The following ITSN1 variants were observed in gnomAD, a reference collection of about 807,000 sequenced individuals.
ITSN1 encodes intersectin 1.
ITSN1 carries 58 observed loss-of-function variants against 239.8 expected under a neutral mutation model. The ratio of observed to expected loss-of-function variants is 0.24; its 90% CI spans 0.20 to 0.30. The LOEUF is 0.30. ITSN1 is among the 10% of genes least tolerant of loss of function. ITSN1 has a pLI of 1.00. For missense variants in ITSN1, 1,558 were observed against 2,103.3 expected, an observed-to-expected ratio of 0.74 and a Z score of 5.07; for synonymous variants, 780 against 770.8, an observed-to-expected ratio of 1.01 and a Z score of -0.20.
chr21:33,867,327 A>G lies in ITSN1; in HGVS notation c.4169A>G (p.Lys1390Arg). Residue 1390 changes from lysine to arginine, a missense_variant, in exon 33 of 40, where the codon AAA (lysine) becomes AGA (arginine). Around this residue, in one of 2 missense-constraint regions of ITSN1, gnomAD observed 576 missense variants for 893.3 expected, o/e 0.64. Coordinates refer to ENST00000381318, the MANE Select transcript of ITSN1 (RefSeq NM_003024.3). ...QRVTRYPLII[K>R]NILENTPENH... Reference sequence around the variant, plus strand: ...GTAACAAGATACCCACTGATCATTAAAAATGTAAGTACCTGTCTTGCCTTT... The same window carrying G: ...GTAACAAGATACCCACTGATCATTAGAAATGTAAGTACCTGTCTTGCCTTT... The G allele has an allele frequency of 3.8e-6, 6 of 1,577,742 alleles. No individual in the cohort carries two copies. Among genetic ancestry groups the G allele is most frequent in the Non-Finnish European group, 5.2e-6 (6 of 1,146,870 alleles).
intron 29 of ITSN1, among the ~76,000 whole-genome samples, chr21:33,850,690 C>T (rs1212393023): frequency 6.6e-6 from 1 of 152,206 alleles, no homozygotes; most frequent in East Asian, 1.9e-4. Flanking sequence ...GGGTTTCAGA[C>T]ATCAGCTGCA....
intron 12 of ITSN1, 89 bp downstream of exon 12, chr21:33,772,412 T>C: frequency 6.9e-7 from 1 of 1,450,052 alleles, no homozygotes; most frequent in South Asian, 1.3e-5. Flanking sequence ...GCCATCTTTG[T>C]CTTTTTACAA....
At chr21:33,774,670 A>G (rs1017687484) in intron 12 of ITSN1, 59 bp from the exon 13 acceptor site, 37 of 1,502,868 alleles carry the variant, frequency 2.5e-5, no homozygotes, top group Middle Eastern at 1.8e-4. Context: ...TTTTTGTGAA[A>G]AGACATTGTG....
intron 5 of ITSN1, among the ~76,000 whole-genome samples, chr21:33,740,443 A>G (rs1174184092): frequency 6.6e-6 from 1 of 152,236 alleles, no homozygotes; most frequent in Non-Finnish European, 1.5e-5. Context: ...CCTGCTACCA[A>G]GAAAAAGTGT....
intron 39 of ITSN1, among the ~76,000 whole-genome samples, chr21:33,887,862 C>G (rs1986031679): frequency 6.6e-6 from 1 of 152,174 alleles, no homozygotes; most frequent in South Asian, 2.1e-4. Context: ...CCTGCCTCGG[C>G]CTCCCAAAGT....
At position 33,802,358 on chromosome 21, in the gene ITSN1, T is replaced by C. The variant is rs771213649; in HGVS notation, c.2305-72T>C. The C allele has an allele frequency of 3.8e-5, 55 of 1,455,490 alleles. No homozygotes were observed. In the East Asian group the frequency reaches 4.6e-4, roughly 12 times the overall value. The allele number at this position is 1,455,490 out of a possible 1,614,324, so 90.2% of individuals were successfully genotyped here. ...TGATGAGATGCGTAGAGTTTAGATATGCTGTAAGAATAAAGCATGTCATTA... is the reference window on the plus strand; with the variant it reads ...TGATGAGATGCGTAGAGTTTAGATACGCTGTAAGAATAAAGCATGTCATTA... On this transcript the variant is annotated intron_variant, in intron 19 of 39. Transcript: ENST00000381318.
chr21:33,752,811 G>C (rs1271078450), intron 7 of ITSN1, among the ~76,000 whole-genome samples: 2 of 148,788 alleles, frequency 1.3e-5, no homozygotes, highest in Non-Finnish European at 2.9e-5. Context: ...ACTCTTGCCT[G>C]GGTGAGCCTG....
intron 16 of ITSN1, among the ~76,000 whole-genome samples, chr21:33,787,832 C>G (rs1373219730): frequency 6.6e-6 from 1 of 152,124 alleles, no homozygotes; most frequent in Non-Finnish European, 1.5e-5. Flanking sequence ...ATGTTTGGTT[C>G]TTTCATTCTG....
In ITSN1 at chr21:33,699,053, C is replaced by T. The variant is rs182523971; in HGVS notation, c.-32-19744C>T. 9.7e-4 allele frequency among the ~76,000 whole-genome samples: 148 copies of T among 152,176 alleles called. 1 individual carries two copies. Among genetic ancestry groups the T allele is most frequent in the Non-Finnish European group, 7.8e-4 (53 of 68,006 alleles). On this transcript the variant is annotated intron_variant, in intron 1 of 39. Transcript: ENST00000381318. ...AAGGACAGATATAGATAGATTAATA[C>T]CTGAAACGAAACCCTAACAACTCTC... is the stretch of plus-strand genomic sequence containing the variant.
At chr21:33,838,466 G>A (rs1194030914) in intron 29 of ITSN1, 4 of 981,696 alleles carry the variant, frequency 4.1e-6, no homozygotes, top group South Asian at 9.4e-5. Flanking sequence ...TTAGTTCCGT[G>A]TATAGATAAT....
At chr21:33,782,614 A>G (rs1247134004) in intron 16 of ITSN1, among the ~76,000 whole-genome samples, 1 of 152,182 alleles carries the variant, frequency 6.6e-6, no homozygotes, top group African/African-American at 2.4e-5. Flanking sequence ...GTTTTGTCAC[A>G]TTTGCACAGT....
At chr21:33,884,099 G>C (rs1303922128) in intron 36 of ITSN1, among the ~76,000 whole-genome samples, 1 of 151,716 alleles carries the variant, frequency 6.6e-6, no homozygotes. Flanking sequence ...ATGGGTTCTT[G>C]CCATGTTGCC....
intron 11 of ITSN1, among the ~76,000 whole-genome samples, chr21:33,770,995 A>G (rs1223377989): frequency 2.6e-5 from 4 of 151,802 alleles, no homozygotes; most frequent in Admixed American, 2.0e-4. Flanking sequence ...GGAACTCCTG[A>G]CCTCAAGTGA....
At chr21:33,764,993 G>A (rs1297535671) in intron 9 of ITSN1, among the ~76,000 whole-genome samples, 1 of 152,196 alleles carries the variant, frequency 6.6e-6, no homozygotes, top group Non-Finnish European at 1.5e-5. Flanking sequence ...ATTAAGGGGT[G>A]GCCAGCTCTG....
At chr21:33,875,207 G>A in intron 33 of ITSN1, 147 bp from the exon 34 acceptor site, 5 of 757,334 alleles carry the variant, frequency 6.6e-6, no homozygotes, top group South Asian at 4.9e-5. Context: ...ATTGCCATGT[G>A]GGTGCTCAGA....
At chr21:33,648,613 A>C (rs1245922741) in intron 1 of ITSN1, among the ~76,000 whole-genome samples, 1 of 152,204 alleles carries the variant, frequency 6.6e-6, no homozygotes, top group East Asian at 1.9e-4. Context: ...TGAGAGGCCA[A>C]GGTGGGAGCA....
intron 8 of ITSN1, 133 bp downstream of exon 8, chr21:33,755,530 C>T (rs2147546457): frequency 1.7e-6 from 1 of 588,732 alleles, no homozygotes; most frequent in African/African-American, 1.9e-5. Flanking sequence ...TCTGTTATCT[C>T]ATGTTCTTAT....
chr21:33,813,823 C>CTT (rs764000502), intron 21 of ITSN1, 90 bp from the exon 22 acceptor site: 2,932 of 927,952 alleles, frequency 3.2e-3, no homozygotes, highest in East Asian at 5.4e-3. Context: ...GGAGTGCTTG[C>CTT]TTTTTTTTTT....
At position 33,867,262 on chromosome 21, in the gene ITSN1, G is replaced by A. The variant is rs755755892; in HGVS notation, c.4104G>A (p.Gly1368=). ...KRLAMDPRCK[G]MPLSSFILKP... Reference sequence around the variant, plus strand: ...TGGCAATGGATCCTCGGTGTAAAGGGATGCCACTCTCTAGTTTTATACTGA... The same window carrying A: ...TGGCAATGGATCCTCGGTGTAAAGGAATGCCACTCTCTAGTTTTATACTGA... The change falls in exon 33 of 40, where the codon GGG becomes GGA. Residue 1368 remains glycine (G), a synonymous_variant. Transcript: ENST00000381318. 5 of 1,610,160 alleles carry A rather than the reference G, an allele frequency of 3.1e-6. No homozygotes were observed. In the Admixed American group the frequency reaches 5.0e-5, roughly 16 times the overall value.
Sources: gnomAD v4.1 joint callset for allele counts (sites outside exome capture counted in the v4.1 genomes callset) on GRCh38, gnomAD v4.1.1 for gene constraint, gnomAD v4.1.1 regional missense constraint, MANE v1.5 for transcripts, NCBI Gene and HGNC (gene_info 2026-07-23, HGNC 2026-07-21) for gene names.